MEI4: variants seen among roughly 807,000 people sequenced by gnomAD.
MEI4 encodes the protein meiotic double-stranded break formation protein 4.
MEI4 carries 27 observed loss-of-function variants against 31.4 expected under a neutral mutation model. The ratio of observed to expected loss-of-function variants is 0.86; its 90% confidence interval spans 0.63 to 1.19. The LOEUF is 1.19. Ranked by LOEUF, MEI4 falls within the 50% of genes most tolerant of loss-of-function variation. MEI4 has a pLI of 0.00. For missense variants in MEI4, 329 were observed against 398.9 expected, an observed-to-expected ratio of 0.82 and a Z score of 1.49; for synonymous variants, 122 against 145.4, an observed-to-expected ratio of 0.84 and a Z score of 1.16.
intron 3 of MEI4, among the ~76,000 whole-genome samples, chr6:77,804,479 A>G (rs1769375902): frequency 6.6e-6 from 1 of 152,102 alleles, no homozygotes; most frequent in Admixed American, 6.5e-5. Flanking sequence ...ACTTTCCGAC[A>G]CTCGCCAGTG....
At chr6:77,839,178 C>T (rs1770296704) in intron 4 of MEI4, among the ~76,000 whole-genome samples, 1 of 151,964 alleles carries the variant, frequency 6.6e-6, no homozygotes, top group African/African-American at 2.4e-5. Flanking sequence ...ATCCTCGGGA[C>T]TTTTGTCTTT....
intron 1 of MEI4, among the ~76,000 whole-genome samples, chr6:77,664,558 G>A (rs1768582865): frequency 6.6e-6 from 1 of 152,112 alleles, no homozygotes; most frequent in Non-Finnish European, 1.5e-5. Context: ...ATAGGGTGGA[G>A]GAGTGGAGGC....
chr6:77,758,030 C>T (rs1363973337), intron 2 of MEI4, among the ~76,000 whole-genome samples: 1 of 151,912 alleles, frequency 6.6e-6, no homozygotes, highest in African/African-American at 2.4e-5. Context: ...GTGGCATGTG[C>T]CTGTAGTCCC....
At chr6:77,807,636 T>C (rs992089814) in intron 3 of MEI4, among the ~76,000 whole-genome samples, 13 of 152,166 alleles carry the variant, frequency 8.5e-5, no homozygotes, top group African/African-American at 2.9e-4. Flanking sequence ...ACAATCAATG[T>C]TAGTATATTT....
chr6:77,743,624 C>A (rs1767484580), intron 2 of MEI4, among the ~76,000 whole-genome samples: 1 of 152,168 alleles, frequency 6.6e-6, no homozygotes, highest in Admixed American at 6.5e-5. Context: ...GTGGTTCTCC[C>A]AGCACGCAGC....
intron 4 of MEI4, among the ~76,000 whole-genome samples, chr6:77,916,372 T>A (rs1198354688): frequency 2.0e-5 from 3 of 152,122 alleles, no homozygotes; most frequent in Non-Finnish European, 2.9e-5. Context: ...GGTATATCAG[T>A]TGCTTTTCCC....
At chr6:77,731,511 G>T (rs1169872393) in intron 2 of MEI4, among the ~76,000 whole-genome samples, 1 of 151,472 alleles carries the variant, frequency 6.6e-6, no homozygotes, top group African/African-American at 2.4e-5. Context: ...TGAGTTCATT[G>T]TAGATTCTGG....
At chr6:77,668,815 C>G (rs1018496168) in intron 1 of MEI4, among the ~76,000 whole-genome samples, 2 of 152,094 alleles carry the variant, frequency 1.3e-5, no homozygotes, top group Non-Finnish European at 2.9e-5. Context: ...ATCTATCATA[C>G]CATAACTTTC....
chr6:77,679,708 C>T (rs754618925), intron 1 of MEI4, among the ~76,000 whole-genome samples: 5 of 151,884 alleles, frequency 3.3e-5, no homozygotes, highest in African/African-American at 1.2e-4. Context: ...CCCTAGTGCC[C>T]ATGGACATAT....
At chr6:77,760,350 G>T (rs996942285) in intron 2 of MEI4, among the ~76,000 whole-genome samples, 14 of 151,968 alleles carry the variant, frequency 9.2e-5, no homozygotes, top group African/African-American at 2.7e-4. Flanking sequence ...TTCCAAAGGG[G>T]TCTTATATTA....
At chr6:77,745,174 C>T (rs1219075075) in intron 2 of MEI4, among the ~76,000 whole-genome samples, 1 of 152,106 alleles carries the variant, frequency 6.6e-6, no homozygotes, top group Non-Finnish European at 1.5e-5. Context: ...CACAGACTGG[C>T]AAATTGGATA....
intron 2 of MEI4, among the ~76,000 whole-genome samples, chr6:77,735,137 T>C (rs1396366165): frequency 6.6e-6 from 1 of 151,926 alleles, no homozygotes. Flanking sequence ...TCGAGGAGTA[T>C]CTTTGTGACA....
Position 77,926,106 on chromosome 6 carries a change from T to C in MEI4, c.*2760T>C, listed in dbSNP as rs1454645466. 2 of 151,950 alleles carry C rather than the reference T, an allele frequency of 1.3e-5. No homozygotes were observed. The highest frequency in any genetic ancestry group is 2.1e-4 in the South Asian group (1 of 4,832). 9.4% of individuals were successfully genotyped at this position (151,950 alleles called of 1,614,324 possible). Reference sequence around the variant, plus strand: ...TCCTACTTTACTGCACTGCCTGTTATGTGCAGCTCTCCTGGCACTTCAGTA... The same window carrying C: ...TCCTACTTTACTGCACTGCCTGTTACGTGCAGCTCTCCTGGCACTTCAGTA... On this transcript the variant is annotated 3_prime_UTR_variant, in exon 5 of 5. Transcript: ENST00000684080.
At chr6:77,911,078 T>A (rs1766424504) in intron 4 of MEI4, among the ~76,000 whole-genome samples, 1 of 152,060 alleles carries the variant, frequency 6.6e-6, no homozygotes, top group South Asian at 2.1e-4. Context: ...CTAAGGCATG[T>A]TGGTTCATGT....
chr6:77,804,516 A>G (rs1447787569), intron 3 of MEI4, among the ~76,000 whole-genome samples: 1 of 152,204 alleles, frequency 6.6e-6, no homozygotes, highest in African/African-American at 2.4e-5. Context: ...TCAGTTGGAA[A>G]TGCAGAAATC....
intron 3 of MEI4, among the ~76,000 whole-genome samples, chr6:77,788,374 T>A (rs1180651441): frequency 2.0e-5 from 3 of 152,146 alleles, no homozygotes; most frequent in Non-Finnish European, 4.4e-5. Flanking sequence ...ACCACTCCTA[T>A]TCAACATAGT....
chr6:77,664,053 C>T (rs1175368301), intron 1 of MEI4, among the ~76,000 whole-genome samples: 5 of 152,174 alleles, frequency 3.3e-5, no homozygotes, highest in Non-Finnish European at 5.9e-5. Flanking sequence ...TGGAGGAACG[C>T]CTGGCCGTTG....
At chr6:77,831,978 C>A (rs549857420) in intron 4 of MEI4, among the ~76,000 whole-genome samples, 1 of 152,010 alleles carries the variant, frequency 6.6e-6, no homozygotes, top group East Asian at 1.9e-4. Context: ...ATCCCAATAA[C>A]CCTGATTTGA....
At chr6:77,672,002 C>T (rs1768752520) in intron 1 of MEI4, among the ~76,000 whole-genome samples, 1 of 151,502 alleles carries the variant, frequency 6.6e-6, no homozygotes, top group South Asian at 2.1e-4. Context: ...CAGACTGATT[C>T]CTATCTTTTG....
Sources: allele counts gnomAD v4.1 joint callset (sites outside exome capture counted in the v4.1 genomes callset), GRCh38; gene constraint gnomAD v4.1.1; transcripts MANE v1.5; gene names NCBI Gene and HGNC (gene_info 2026-07-23, HGNC 2026-07-21).